PHACTR2: variants seen among roughly 807,000 people sequenced by gnomAD.
The protein encoded by PHACTR2 is chromosome 6 open reading frame 56.
Under a neutral mutation model 76.0 loss-of-function variants are expected in PHACTR2, and 30 were observed. The ratio of observed to expected loss-of-function variants is 0.39; its 90% CI spans 0.30 to 0.54. The LOEUF is 0.54. Ranked by LOEUF, PHACTR2 falls within the 20% of genes least tolerant of loss-of-function variation. The pLI is 0.61. For missense variants in PHACTR2, 696 were observed against 781.1 expected, an observed-to-expected ratio of 0.89 and a Z score of 1.30; for synonymous variants, 292 against 292.5, an observed-to-expected ratio of 1.00 and a Z score of 0.02.
chr6:143,646,541 GA>G lies in PHACTR2; in HGVS notation c.13+38226del, dbSNP rs1293286670. Among the ~76,000 whole-genome samples the G allele has an allele frequency of 6.6e-6, 1 of 151,850 alleles. No individual in the cohort carries two copies. Among genetic ancestry groups the G allele is most frequent in the African/African-American group, 2.4e-5 (1 of 41,358 alleles). On this transcript the variant is annotated intron_variant, in intron 1 of 11. Transcript: ENST00000305766. The surrounding 1 kb of genome is among the most constrained non-coding windows in gnomAD (Gnocchi z 4.1). Reference sequence around the variant, plus strand: ...ATAACCTGATCCTTCAAATATAACTGAAAAAAAGGTGCTCCATTTTGCATGA... The same window carrying G: ...ATAACCTGATCCTTCAAATATAACTGAAAAAAGGTGCTCCATTTTGCATGA...
chr6:143,817,908 A>G (rs1191347708), intron 12 of PHACTR2, among the ~76,000 whole-genome samples: 1 of 152,206 alleles, frequency 6.6e-6, no homozygotes, highest in East Asian at 1.9e-4. Flanking sequence ...GATGGGTGGA[A>G]TAAGTTCTAG....
chr6:143,551,831 G>T (rs537316730), intron 1 of PHACTR2, among the ~76,000 whole-genome samples: 1 of 152,112 alleles, frequency 6.6e-6, no homozygotes, highest in African/African-American at 2.4e-5. Context: ...ATGTAATAAT[G>T]GGGGGAGGCT....
At position 143,682,563 on chromosome 6, in the gene PHACTR2, T is replaced by C. The variant is rs1039869839; in HGVS notation, c.46+4354T>C. ...TAGTTTTTCAGTGGATTCCTTATGA[T>C]TTTCTATATACATGATCATACTATA... On this transcript the variant is annotated intron_variant, in intron 1 of 12. Coordinates refer to ENST00000440869, the MANE Select transcript of PHACTR2 (RefSeq NM_001100164.2). Among the ~76,000 whole-genome samples the C allele has an allele frequency of 7.2e-5, 11 of 152,310 alleles. 1 individual carries two copies. In the East Asian group the frequency reaches 9.6e-4, roughly 13 times the overall value.
At position 143,775,957 on chromosome 6, in the gene PHACTR2, A is replaced by G. The variant is rs1333524889; in HGVS notation, c.1590-1371A>G. Among the ~76,000 whole-genome samples, 1 of 152,022 alleles carries G rather than the reference A, an allele frequency of 6.6e-6. No homozygotes were observed. Among genetic ancestry groups the G allele is most frequent in the Non-Finnish European group, 1.5e-5 (1 of 68,000 alleles). On this transcript the variant is annotated intron_variant, in intron 8 of 12. Coordinates refer to ENST00000440869, the MANE Select transcript of PHACTR2 (RefSeq NM_001100164.2). The surrounding 1 kb of genome is among the most constrained non-coding windows in gnomAD (Gnocchi z 4.4). ...ACCGGCCTGGCCAACATGGCGAAAT[A>G]CCGTTTCTACTAAAAATACAAATAT...
chr6:143,645,731 A>G (rs1776648796), intron 1 of PHACTR2, among the ~76,000 whole-genome samples: 1 of 152,214 alleles, frequency 6.6e-6, no homozygotes, highest in Non-Finnish European at 1.5e-5. Flanking sequence ...GAATAAATAA[A>G]TTGTTTAGTA....
Position 143,791,221 on chromosome 6 carries a change from T to C in PHACTR2, c.1845+2311T>C, listed in dbSNP as rs1008200655. Among the ~76,000 whole-genome samples the C allele has an allele frequency of 6.6e-6, 1 of 152,194 alleles. No homozygotes were observed. The highest frequency in any genetic ancestry group is 1.5e-5 in the Non-Finnish European group (1 of 68,032). On this transcript the variant is annotated intron_variant, in intron 11 of 12. Coordinates refer to ENST00000440869, the MANE Select transcript of PHACTR2 (RefSeq NM_001100164.2). This position sits in a 1 kb window ranked among gnomAD's most constrained non-coding sequence, Gnocchi z 4.7. ...CTTGGTCATCTGTATTATATGTTTGTTTTCTATGTCATTATTTGTTCTTTT... is the reference window on the plus strand; with the variant it reads ...CTTGGTCATCTGTATTATATGTTTGCTTTCTATGTCATTATTTGTTCTTTT...
intron 2 of PHACTR2, among the ~76,000 whole-genome samples, chr6:143,714,587 T>A (rs1778260147): frequency 6.6e-6 from 1 of 152,244 alleles, no homozygotes. Context: ...ATGCCCCAGC[T>A]TCCAGTTCTC....
chr6:143,802,617 C>T (rs1454168097), intron 11 of PHACTR2, among the ~76,000 whole-genome samples: 1 of 120,682 alleles, frequency 8.3e-6, no homozygotes, highest in Non-Finnish European at 1.6e-5. Flanking sequence ...ACCTGCACTC[C>T]AGCCTGGGTG....
chr6:143,713,487 G>A (rs1453172548), intron 2 of PHACTR2, among the ~76,000 whole-genome samples: 1 of 152,188 alleles, frequency 6.6e-6, no homozygotes, highest in East Asian at 1.9e-4. Flanking sequence ...CTTGGCTTAA[G>A]GGAAAATAAT....
At chr6:143,749,150 T>G (rs1371395358) in intron 3 of PHACTR2, 85 bp downstream of exon 3, 1 of 737,278 alleles carries the variant, frequency 1.4e-6, no homozygotes, top group African/African-American at 1.8e-5. Context: ...TTTAAAGGGA[T>G]CATGGTCTTT....
intron 1 of PHACTR2, among the ~76,000 whole-genome samples, chr6:143,614,574 T>C (rs1008720579): frequency 3.3e-5 from 5 of 152,164 alleles, no homozygotes; most frequent in Non-Finnish European, 7.4e-5. Flanking sequence ...CAATCAAGCA[T>C]TCATACTTCC....
chr6:143,742,529 C>T lies in PHACTR2; in HGVS notation c.215-6456C>T, dbSNP rs765729250. ...CTTGAGCATGTGTCCCTCTCTGAAC[C>T]AGTCACCAGTGCCAGGGAGAAACTG... On this transcript the variant is annotated intron_variant, in intron 2 of 12. Coordinates refer to ENST00000440869, the MANE Select transcript of PHACTR2 (RefSeq NM_001100164.2). The surrounding 1 kb of genome is among the most constrained non-coding windows in gnomAD (Gnocchi z 4.5). 7.2e-5 allele frequency among the ~76,000 whole-genome samples: 11 copies of T among 152,166 alleles called. No individual in the cohort carries two copies. Among genetic ancestry groups the T allele is most frequent in the Non-Finnish European group, 1.6e-4 (11 of 68,032 alleles).
chr6:143,747,566 T>C (rs1201796578), intron 2 of PHACTR2, among the ~76,000 whole-genome samples: 2 of 152,150 alleles, frequency 1.3e-5, no homozygotes, highest in Non-Finnish European at 2.9e-5. Context: ...GTTGAAACGA[T>C]GTTGTCTAGA....
chr6:143,546,627 A>G lies in PHACTR2; in HGVS notation c.217+9420A>G, dbSNP rs1011100792. ...TCTTCAAGTAGCCTAAATATCAAGA[A>G]CAAACATATTAAACCCCTTTTCTCC... On this transcript the variant is annotated intron_variant, in intron 1 of 11. Coordinates refer to the PHACTR2 transcript ENST00000367584. The surrounding 1 kb of genome is among the most constrained non-coding windows in gnomAD (Gnocchi z 4.9). 6.6e-6 allele frequency among the ~76,000 whole-genome samples: 1 copy of G among 152,230 alleles called. No homozygotes were observed. The highest frequency in any genetic ancestry group is 1.5e-5 in the Non-Finnish European group (1 of 68,050).
chr6:143,605,970 C>A (rs369735572), upstream of PHACTR2, among the ~76,000 whole-genome samples: 6 of 152,122 alleles, frequency 3.9e-5, no homozygotes, highest in South Asian at 1.0e-3. This position sits in a 1 kb window ranked among gnomAD's most constrained non-coding sequence, Gnocchi z 5.0. Context: ...TTGTCATCTA[C>A]CATTTTAAAT....
chr6:143,718,303 C>T (rs899542780), intron 2 of PHACTR2, among the ~76,000 whole-genome samples: 1 of 152,200 alleles, frequency 6.6e-6, no homozygotes, highest in African/African-American at 2.4e-5. Context: ...ACCTCATGAA[C>T]TGCAATCTTT....
intron 1 of PHACTR2, among the ~76,000 whole-genome samples, chr6:143,614,247 G>T (rs1194749865): frequency 6.6e-6 from 1 of 152,074 alleles, no homozygotes; most frequent in Non-Finnish European, 1.5e-5. Flanking sequence ...TGATAGAATT[G>T]GCATATAATT....
chr6:143,690,476 C>T (rs190291409), intron 1 of PHACTR2, among the ~76,000 whole-genome samples: 6 of 151,998 alleles, frequency 3.9e-5, no homozygotes, highest in South Asian at 2.1e-4. Flanking sequence ...GAAAAGCTCA[C>T]GGGGTGTATG....
rs1188366525 is a variant in PHACTR2 at position 143,722,165 on chromosome 6, T to G, written c.214+9982T>G. Among the ~76,000 whole-genome samples, 1 of 152,196 alleles carries G rather than the reference T, an allele frequency of 6.6e-6. No homozygotes were observed. Among genetic ancestry groups the G allele is most frequent in the Non-Finnish European group, 1.5e-5 (1 of 68,036 alleles). ...TATTTAATGTTCTCTTTGTGGAAAA[T>G]ATCACCCAGAGCCTCCTAACAGGGT... is the stretch of plus-strand genomic sequence containing the variant. On this transcript the variant is annotated intron_variant, in intron 2 of 12. Transcript: ENST00000440869. This position sits in a 1 kb window ranked among gnomAD's most constrained non-coding sequence, Gnocchi z 4.1.
Sources: allele counts gnomAD v4.1 joint callset (sites outside exome capture counted in the v4.1 genomes callset), GRCh38; gene constraint gnomAD v4.1.1; non-coding constraint Gnocchi (gnomAD v3.1); transcripts MANE v1.5; gene names NCBI Gene and HGNC (gene_info 2026-07-23, HGNC 2026-07-21).